The following ERBB4 variants were observed in gnomAD, a reference collection of about 807,000 sequenced individuals.
The protein encoded by ERBB4 is receptor tyrosine-protein kinase erbB-4.
Under a neutral mutation model 158.0 loss-of-function variants are expected in ERBB4, and 42 were observed. That is an observed-to-expected ratio of 0.27 (90% CI 0.21 to 0.34). ERBB4 has a LOEUF of 0.34. Ranked by LOEUF, ERBB4 falls within the 10% of genes least tolerant of loss-of-function variation. The pLI is 1.00. For missense variants in ERBB4, 1,333 were observed against 1,624.1 expected, an observed-to-expected ratio of 0.82 and a Z score of 3.08; for synonymous variants, 583 against 558.7, an observed-to-expected ratio of 1.04 and a Z score of -0.61.
intron 4 of ERBB4, among the ~76,000 whole-genome samples, chr2:211,753,854 A>ATTTTTTT (rs1047804300): frequency 8.2e-6 from 1 of 121,304 alleles, no homozygotes; most frequent in African/African-American, 3.2e-5. Context: ...AAAAGTCCTG[A>ATTTTTTT]TTTTTTTTTT....
chr2:212,238,062 C>A (rs2083944747), intron 1 of ERBB4, among the ~76,000 whole-genome samples: 1 of 152,204 alleles, frequency 6.6e-6, no homozygotes, highest in South Asian at 2.1e-4. Flanking sequence ...TCCTGGGCTT[C>A]CGCCGCCTTT....
intron 20 of ERBB4, among the ~76,000 whole-genome samples, chr2:211,495,031 A>G (rs925377820): frequency 6.6e-6 from 1 of 152,128 alleles, no homozygotes; most frequent in African/African-American, 2.4e-5. Context: ...ATTCTTGAAT[A>G]AAAGAATATC....
chr2:212,387,878 G>A (rs2090730429), intron 1 of ERBB4, among the ~76,000 whole-genome samples: 2 of 152,094 alleles, frequency 1.3e-5, no homozygotes, highest in Non-Finnish European at 2.9e-5. Context: ...TAACGGCAAA[G>A]ATGGCTGCAT....
intron 1 of ERBB4, among the ~76,000 whole-genome samples, chr2:212,145,419 TA>T (rs1186150826): frequency 6.6e-6 from 1 of 152,148 alleles, no homozygotes; most frequent in Non-Finnish European, 1.5e-5. Flanking sequence ...TTGTCTAGTA[TA>T]AAATTAGCCC....
At chr2:211,623,222 C>T (rs1036555510) in intron 18 of ERBB4, among the ~76,000 whole-genome samples, 1 of 151,294 alleles carries the variant, frequency 6.6e-6, no homozygotes, top group Non-Finnish European at 1.5e-5. Flanking sequence ...TAAACATACA[C>T]ATGCCATCAT....
chr2:211,390,529 A>G (rs1307494101), intron 25 of ERBB4, among the ~76,000 whole-genome samples: 1 of 152,240 alleles, frequency 6.6e-6, no homozygotes, highest in East Asian at 1.9e-4. Context: ...ACAAAACCTG[A>G]GACGTAAACA....
intron 1 of ERBB4, among the ~76,000 whole-genome samples, chr2:212,474,159 G>A (rs1016708443): frequency 1.1e-4 from 17 of 151,346 alleles, no homozygotes; most frequent in Non-Finnish European, 2.4e-4. Flanking sequence ...TGATACAGAA[G>A]CCAATTAATG....
chr2:211,629,126 G>T (rs906165791), intron 17 of ERBB4, among the ~76,000 whole-genome samples: 2 of 152,018 alleles, frequency 1.3e-5, no homozygotes, highest in Non-Finnish European at 2.9e-5. Context: ...TAGATGACAT[G>T]ACTGTATATC....
At chr2:212,312,220 C>G (rs1456733671) in intron 1 of ERBB4, among the ~76,000 whole-genome samples, 3 of 150,930 alleles carry the variant, frequency 2.0e-5, no homozygotes, top group African/African-American at 7.3e-5. Flanking sequence ...AGAAAAAGAC[C>G]CTGTTTATTT....
At chr2:211,753,854 ATTTTTTT>A (rs1047804300) in intron 4 of ERBB4, among the ~76,000 whole-genome samples, 24 of 121,304 alleles carry the variant, frequency 2.0e-4, no homozygotes, top group East Asian at 6.5e-4. Flanking sequence ...AAAAGTCCTG[ATTTTTTT>A]TTTTTTTTTT....
At chr2:212,130,366 C>T (rs1378640002) in intron 1 of ERBB4, among the ~76,000 whole-genome samples, 3 of 152,020 alleles carry the variant, frequency 2.0e-5, no homozygotes, top group African/African-American at 7.2e-5. Context: ...GCTATACTTC[C>T]AAACACAGGC....
intron 20 of ERBB4, among the ~76,000 whole-genome samples, chr2:211,541,453 C>T (rs983280109): frequency 3.3e-5 from 5 of 151,868 alleles, no homozygotes; most frequent in Admixed American, 2.0e-4. Context: ...TTTCACTGGT[C>T]TTTTTTTATA....
chr2:211,613,999 G>A (rs2069293969), intron 19 of ERBB4, among the ~76,000 whole-genome samples: 1 of 152,020 alleles, frequency 6.6e-6, no homozygotes, highest in Non-Finnish European at 1.5e-5. Flanking sequence ...CTTACAATAG[G>A]TTAGATTTGG....
intron 3 of ERBB4, among the ~76,000 whole-genome samples, chr2:211,835,452 G>A (rs2077320756): frequency 6.6e-6 from 1 of 152,066 alleles, no homozygotes; most frequent in African/African-American, 2.4e-5. Context: ...ATATCTAATT[G>A]TGGTTTAAAA....
intron 1 of ERBB4, among the ~76,000 whole-genome samples, chr2:212,197,337 A>G (rs912017306): frequency 1.1e-4 from 17 of 152,192 alleles, no homozygotes; most frequent in Non-Finnish European, 2.4e-4. Context: ...TTTTCACTAA[A>G]TAAATTTTGG....
intron 3 of ERBB4, among the ~76,000 whole-genome samples, chr2:211,860,134 T>G (rs1427641700): frequency 6.6e-6 from 1 of 152,178 alleles, no homozygotes; most frequent in East Asian, 1.9e-4. Context: ...ACAAGCCAAC[T>G]GCTATTGTAA....
intron 1 of ERBB4, among the ~76,000 whole-genome samples, chr2:212,343,390 C>T (rs573860782): frequency 2.6e-4 from 40 of 152,176 alleles, no homozygotes; most frequent in Non-Finnish European, 5.4e-4. Context: ...AATTAAATTG[C>T]TAATTTTGTT....
chr2:211,992,869 C>A (rs541234505), intron 2 of ERBB4, among the ~76,000 whole-genome samples: 2 of 152,248 alleles, frequency 1.3e-5, no homozygotes, highest in African/African-American at 4.8e-5. Context: ...GGCTTTATTC[C>A]AATTTAACTA....
chr2:212,266,017 AT>A (rs2106102547), intron 1 of ERBB4, among the ~76,000 whole-genome samples: 1 of 152,080 alleles, frequency 6.6e-6, no homozygotes, highest in Non-Finnish European at 1.5e-5. Flanking sequence ...AGCAATTTTC[AT>A]TTTGAACTCC....
Sources: gnomAD v4.1 joint callset for allele counts (sites outside exome capture counted in the v4.1 genomes callset) on GRCh38, gnomAD v4.1.1 for gene constraint, MANE v1.5 for transcripts, NCBI Gene and HGNC (gene_info 2026-07-23, HGNC 2026-07-21) for gene names.